SMOC2: variants seen among roughly 807,000 people sequenced by gnomAD.
SMOC2 encodes SPARC-related modular calcium-binding protein 2.
SMOC2 carries 39 observed loss-of-function variants against 61.4 expected under a neutral mutation model. The ratio of observed to expected loss-of-function variants is 0.64; its 90% CI spans 0.49 to 0.83. The LOEUF is 0.83. Among genes scored for constraint, SMOC2 ranks in the 40% least tolerant of loss-of-function variants. The pLI is 0.00. For synonymous variants in SMOC2, 247 were observed against 239.9 expected, an observed-to-expected ratio of 1.03 and a Z score of -0.27; for missense variants, 556 against 592.9, an observed-to-expected ratio of 0.94 and a Z score of 0.65.
chr6:168,479,910 C>T (rs1296881990), intron 1 of SMOC2, among the ~76,000 whole-genome samples: 2 of 152,168 alleles, frequency 1.3e-5, no homozygotes, highest in East Asian at 3.9e-4. Flanking sequence ...ACTTTTTCCT[C>T]CTTGGAAGCC....
chr6:168,603,711 GAAA>G (rs200485227), intron 8 of SMOC2, among the ~76,000 whole-genome samples: 2 of 118,968 alleles, frequency 1.7e-5, no homozygotes, highest in Admixed American at 8.4e-5. Flanking sequence ...TGCTCTGGAG[GAAA>G]AAAAAAAAAA....
At chr6:168,582,768 G>A (rs1283589415) in intron 7 of SMOC2, among the ~76,000 whole-genome samples, 3 of 152,162 alleles carry the variant, frequency 2.0e-5, no homozygotes, top group Non-Finnish European at 4.4e-5. Flanking sequence ...CCGACCTGCC[G>A]GGAACTCAGA....
intron 7 of SMOC2, among the ~76,000 whole-genome samples, chr6:168,591,473 T>C (rs1785178926): frequency 1.3e-5 from 2 of 152,196 alleles, no homozygotes. Context: ...TCACTGACTC[T>C]GGCAAGAGCA....
chr6:168,653,068 C>T lies in SMOC2; in HGVS notation c.1125C>T (p.Phe375=). The part of the protein sequence containing the change: ...GDIGKKEIKP[F]KRFLRKKSKP... ...TCGGCAAAAAGGAAATCAAACCCTTCAAGAGGTTCCTTCGCAAAAAATCAA... is the reference window on the plus strand; with the variant it reads ...TCGGCAAAAAGGAAATCAAACCCTTTAAGAGGTTCCTTCGCAAAAAATCAA... The change falls in exon 11 of 13, where the codon TTC becomes TTT. Residue 375 remains phenylalanine, a synonymous_variant. Coordinates refer to ENST00000356284, the MANE Select transcript of SMOC2 (RefSeq NM_001166412.2). 2 of 1,614,154 alleles carry T rather than the reference C, an allele frequency of 1.2e-6. No individual in the cohort carries two copies. Among genetic ancestry groups the T allele is most frequent in the Non-Finnish European group, 1.7e-6 (2 of 1,180,036 alleles).
At chr6:168,624,459 G>A (rs181838422) in intron 9 of SMOC2, among the ~76,000 whole-genome samples, 1 of 152,170 alleles carries the variant, frequency 6.6e-6, no homozygotes. Flanking sequence ...AACTAGAAGA[G>A]AATTGTTATG....
At chr6:168,529,467 T>G in intron 4 of SMOC2, among the ~76,000 whole-genome samples, 1 of 152,184 alleles carries the variant, frequency 6.6e-6, no homozygotes, top group East Asian at 1.9e-4. Context: ...AGGACAAGCG[T>G]CCTTCTACCC....
At chr6:168,628,499 G>A (rs1786476949) in intron 9 of SMOC2, among the ~76,000 whole-genome samples, 1 of 152,348 alleles carries the variant, frequency 6.6e-6, no homozygotes, top group African/African-American at 2.4e-5. Context: ...ACACTCTGTA[G>A]TAGATACTAA....
At chr6:168,600,667 C>T (rs1457740092) in intron 8 of SMOC2, among the ~76,000 whole-genome samples, 2 of 152,182 alleles carry the variant, frequency 1.3e-5, no homozygotes, top group African/African-American at 4.8e-5. Context: ...CCTTCTGCTC[C>T]TGGTTTTGGG....
At chr6:168,556,252 TC>T (rs941226221) in intron 7 of SMOC2, among the ~76,000 whole-genome samples, 7 of 152,260 alleles carry the variant, frequency 4.6e-5, no homozygotes, top group African/African-American at 1.7e-4. Flanking sequence ...CACAGGACTC[TC>T]CCCACGCCCA....
At chr6:168,657,893 C>T (rs1787367181) in intron 11 of SMOC2, among the ~76,000 whole-genome samples, 1 of 152,170 alleles carries the variant, frequency 6.6e-6, no homozygotes, top group Admixed American at 6.5e-5. Flanking sequence ...CCTCTTAAAC[C>T]TCCCAACGCC....
intron 9 of SMOC2, among the ~76,000 whole-genome samples, chr6:168,618,454 TAGG>T (rs1242676853): frequency 4.8e-5 from 6 of 125,232 alleles, no homozygotes; most frequent in African/African-American, 1.3e-4. Flanking sequence ...GTAGTGGCAT[TAGG>T]AGAGTGGAGG....
At chr6:168,520,537 A>G (rs1052620604) in intron 2 of SMOC2, among the ~76,000 whole-genome samples, 8 of 152,224 alleles carry the variant, frequency 5.3e-5, no homozygotes, top group African/African-American at 1.4e-4. Flanking sequence ...GGCCATAATC[A>G]TAGCCATTCA....
chr6:168,513,823 C>T (rs1470068410), intron 2 of SMOC2, among the ~76,000 whole-genome samples: 3 of 152,202 alleles, frequency 2.0e-5, no homozygotes, highest in Non-Finnish European at 4.4e-5. Context: ...GTGTAAGAAT[C>T]TTTGTCCCTG....
chr6:168,620,979 C>A (rs568722778), intron 9 of SMOC2, among the ~76,000 whole-genome samples: 1 of 149,792 alleles, frequency 6.7e-6, no homozygotes, highest in South Asian at 2.1e-4. Context: ...CAACCAAGGT[C>A]GAAAACTTCT....
intron 4 of SMOC2, among the ~76,000 whole-genome samples, chr6:168,528,267 G>GTTTTT (rs60113269): frequency 0.074 from 10,047 of 136,292 alleles, 513 homozygotes; most frequent in South Asian, 0.15. Context: ...TCCCATTAGT[G>GTTTTT]TTTTTTTTTT....
At chr6:168,533,741 A>T (rs1304875607) in intron 4 of SMOC2, among the ~76,000 whole-genome samples, 1 of 152,188 alleles carries the variant, frequency 6.6e-6, no homozygotes, top group Non-Finnish European at 1.5e-5. Context: ...TTTCTTGAAA[A>T]GTGAAAGTTA....
intron 9 of SMOC2, among the ~76,000 whole-genome samples, chr6:168,638,810 G>A (rs556414383): frequency 5.9e-5 from 9 of 152,242 alleles, no homozygotes; most frequent in East Asian, 3.9e-4. Context: ...CCTGCTCCTC[G>A]TTCCATTTGA....
At chr6:168,578,252 G>C (rs112068171) in intron 7 of SMOC2, among the ~76,000 whole-genome samples, 1 of 152,262 alleles carries the variant, frequency 6.6e-6, no homozygotes, top group Admixed American at 6.5e-5. Flanking sequence ...AGTCCTTTGC[G>C]AGCTGAAAGT....
At chr6:168,529,504 T>C (rs1783535716) in intron 4 of SMOC2, among the ~76,000 whole-genome samples, 1 of 152,212 alleles carries the variant, frequency 6.6e-6, no homozygotes, top group African/African-American at 2.4e-5. Context: ...GTGCAACTAG[T>C]ATATTCCGCA....
Sources: allele counts gnomAD v4.1 joint callset (sites outside exome capture counted in the v4.1 genomes callset), GRCh38; gene constraint gnomAD v4.1.1; transcripts MANE v1.5; gene names NCBI Gene and HGNC (gene_info 2026-07-23, HGNC 2026-07-21).